EML4: variants seen among roughly 807,000 people sequenced by gnomAD.
The protein encoded by EML4 is EMAP like 4.
A neutral mutation model predicts 129.0 loss-of-function variants in EML4; 72 were observed. That is an observed-to-expected ratio of 0.56 (90% CI 0.46 to 0.68). The LOEUF (loss-of-function observed/expected upper bound fraction) is 0.68, where lower values mean the gene tolerates loss of function less well. EML4 is among the 30% of genes least tolerant of loss of function. The pLI, the probability that EML4 is intolerant of heterozygous loss-of-function variation, is 0.00. For synonymous variants in EML4, 532 were observed against 405.0 expected (o/e 1.31, Z -3.77); for missense variants, 1,363 against 1,190.6 (o/e 1.14, Z -2.13).
At chr2:42,316,106 T>C in intron 18 of EML4, 56 bp downstream of exon 18, 2 of 1,196,120 alleles carry the variant, frequency 1.7e-6, no homozygotes, top group Non-Finnish European at 1.2e-6. Flanking sequence ...TTCACTGCAA[T>C]TGCATAGTTT....
At chr2:42,265,095 T>C in intron 6 of EML4, 1 of 817,522 alleles carries the variant, frequency 1.2e-6, no homozygotes, top group Non-Finnish European at 1.9e-6. Context: ...CAGCTACATT[T>C]TACTTTTTTT....
intron 1 of EML4, among the ~76,000 whole-genome samples, chr2:42,225,144 A>G (rs1439599463): frequency 6.6e-6 from 1 of 152,122 alleles, no homozygotes; most frequent in Non-Finnish European, 1.5e-5. Flanking sequence ...CATTTTGTTT[A>G]TCCATTCATG....
chr2:42,234,063 C>G (rs985927343), intron 1 of EML4, among the ~76,000 whole-genome samples: 1 of 152,240 alleles, frequency 6.6e-6, no homozygotes, highest in African/African-American at 2.4e-5. Flanking sequence ...TTTAGCCACT[C>G]CTCAAAGCAG....
intron 1 of EML4, among the ~76,000 whole-genome samples, chr2:42,179,895 C>T (rs1006469862): frequency 2.0e-5 from 3 of 152,120 alleles, no homozygotes; most frequent in Non-Finnish European, 2.9e-5. Context: ...GCCACCACAC[C>T]CGGCCATATG....
rs559017749 is a variant in EML4 at position 42,304,020 on chromosome 2, A to G, written c.1900-464A>G. ...AATCATAAAGATTTCAAATATCTAC[A>G]TAGCATTAATTATTATGGAAACATT... On this transcript the variant is annotated intron_variant, in intron 16 of 22. Coordinates refer to ENST00000318522, the MANE Select transcript of EML4 (RefSeq NM_019063.5). Among the ~76,000 whole-genome samples, 37 of 152,344 alleles carry G rather than the reference A, an allele frequency of 2.4e-4. No homozygotes were observed. In the South Asian group the frequency reaches 7.7e-3, roughly 32 times the overall value.
In EML4 at chr2:42,171,606, AT is replaced by A. The variant is rs1370516463; in HGVS notation, c.25+1973del. ...GCGTCATTGTTGACCCTAATGTTGG[AT>A]TTAAAAAATTCATTTGATGCCATGC... On this transcript the variant is annotated intron_variant, in intron 1 of 22. Transcript: ENST00000318522. Among the ~76,000 whole-genome samples, 7 of 152,286 alleles carry A rather than the reference AT, an allele frequency of 4.6e-5. No homozygotes were observed. The East Asian group carries it at 1.3e-3, about 29-fold the overall frequency.
At chr2:42,245,812 C>A in intron 2 of EML4, 125 bp downstream of exon 2, 2 of 923,060 alleles carry the variant, frequency 2.2e-6, no homozygotes, top group South Asian at 2.9e-5. Flanking sequence ...TTTTCCATTT[C>A]GTTTTTTTAA....
chr2:42,202,820 C>G (rs967356408), intron 1 of EML4, among the ~76,000 whole-genome samples: 1 of 152,106 alleles, frequency 6.6e-6, no homozygotes, highest in Non-Finnish European at 1.5e-5. Flanking sequence ...TGACACTCAG[C>G]ATTAACCATC....
intron 1 of EML4, among the ~76,000 whole-genome samples, chr2:42,210,805 C>T (rs1418624651): frequency 6.6e-6 from 1 of 152,150 alleles, no homozygotes; most frequent in Non-Finnish European, 1.5e-5. Context: ...AAAATAAAAA[C>T]TCTTTTGAGA....
At chr2:42,230,236 G>A (rs1271539429) in intron 1 of EML4, among the ~76,000 whole-genome samples, 1 of 152,056 alleles carries the variant, frequency 6.6e-6, no homozygotes, top group East Asian at 1.9e-4. Flanking sequence ...ATGCTTTGCA[G>A]GTGTAGAGGA....
intron 1 of EML4, among the ~76,000 whole-genome samples, chr2:42,220,348 G>A (rs1004722479): frequency 2.0e-5 from 3 of 150,854 alleles, no homozygotes; most frequent in Non-Finnish European, 4.4e-5. Context: ...TCTGTGTCAC[G>A]TTTTGCTAGT....
intron 2 of EML4, among the ~76,000 whole-genome samples, chr2:42,246,686 G>A (rs1675421480): frequency 6.6e-6 from 1 of 152,122 alleles, no homozygotes; most frequent in African/African-American, 2.4e-5. Flanking sequence ...TAAGAATTTG[G>A]GAATGTTCCT....
chr2:42,201,944 G>A (rs1307929721), intron 1 of EML4, among the ~76,000 whole-genome samples: 1 of 152,134 alleles, frequency 6.6e-6, no homozygotes, highest in East Asian at 1.9e-4. Context: ...TTAGCCGGGT[G>A]TGGTGCTGCG....
intron 1 of EML4, among the ~76,000 whole-genome samples, chr2:42,203,640 C>CCT (rs10629145): frequency 4.8e-4 from 68 of 141,382 alleles, no homozygotes; most frequent in Admixed American, 3.6e-3. Context: ...ATAGCCACCC[C>CCT]TTTTTTTTTT....
At position 42,261,108 on chromosome 2, in the gene EML4, C is replaced by T; in HGVS notation, c.339-13C>T. ...TAAATGTGTATTGTTCCATGTTATACTTTATTTTACAGTGGTACAGAAAAA... is the reference window on the plus strand; with the variant it reads ...TAAATGTGTATTGTTCCATGTTATATTTTATTTTACAGTGGTACAGAAAAA... On this transcript the variant is annotated splice_polypyrimidine_tract_variant and intron_variant, in intron 3 of 22. Transcript: ENST00000318522. 4.4e-6 allele frequency: 7 copies of T among 1,577,144 alleles called. No homozygotes were observed. Among genetic ancestry groups the T allele is most frequent in the South Asian group, 2.3e-5 (2 of 88,620 alleles).
At chr2:42,191,444 TC>T (rs1298884684) in intron 1 of EML4, among the ~76,000 whole-genome samples, 1 of 152,122 alleles carries the variant, frequency 6.6e-6, no homozygotes, top group African/African-American at 2.4e-5. Context: ...TCCTGTTACA[TC>T]AAAATTTCAT....
chr2:42,317,672 G>C (rs971830525), intron 19 of EML4, 148 bp downstream of exon 19: 36 of 590,346 alleles, frequency 6.1e-5, no homozygotes, highest in Admixed American at 3.5e-4. Context: ...ATACATGATA[G>C]CAGAACATCA....
chr2:42,205,328 C>T (rs1053584805), intron 1 of EML4, among the ~76,000 whole-genome samples: 1 of 152,174 alleles, frequency 6.6e-6, no homozygotes, highest in Non-Finnish European at 1.5e-5. Flanking sequence ...GACAGATCAA[C>T]ACTAATCAAA....
rs774105765 is a variant in EML4, at chr2:42,329,875, C to G, written c.2614C>G (p.Gln872Glu). The part of the protein sequence containing the change: ...WKLVEKLSLP[Q>E]NETVADTTLT... ...ACTTGTGGAAAAGTTATCTTTGCCTCAGAATGAGACTGTAGCGGATACTAC... is the reference window on the plus strand; with the variant it reads ...ACTTGTGGAAAAGTTATCTTTGCCTGAGAATGAGACTGTAGCGGATACTAC... The change falls in exon 23 of 23, where the codon CAG (glutamine) becomes GAG (glutamate). Residue 872 changes from glutamine (Q) to glutamate (E), a missense_variant. Physicochemically the swap from Gln to Glu is conservative, Grantham distance 29. Transcript: ENST00000318522. 1 of 1,614,116 alleles carries G rather than the reference C, an allele frequency of 6.2e-7. No individual in the cohort carries two copies. The highest frequency in any genetic ancestry group is 2.2e-5 in the East Asian group (1 of 44,890).
Sources: gnomAD v4.1 joint callset for allele counts (sites outside exome capture counted in the v4.1 genomes callset) on GRCh38, gnomAD v4.1.1 for gene constraint, MANE v1.5 for transcripts, NCBI Gene and HGNC (gene_info 2026-07-23, HGNC 2026-07-21) for gene names.